SAXO1: variants seen among roughly 807,000 people sequenced by gnomAD.
SAXO1 encodes the protein 4930500O09Rik.
A neutral mutation model predicts 17.5 loss-of-function variants in SAXO1; 21 were observed. That is an observed-to-expected ratio of 1.20 (90% CI 0.85 to 1.72). The LOEUF is 1.72. Among genes scored for constraint, SAXO1 ranks in the 40% most tolerant of loss-of-function variants. The probability of loss-of-function intolerance (pLI) is 0.00; values close to 1 mark genes in which losing one functional copy is unlikely to be tolerated. For missense variants in SAXO1, 843 were observed against 596.0 expected (o/e 1.41, Z -4.32); for synonymous variants, 274 against 216.5 (o/e 1.27, Z -2.33).
intron 1 of SAXO1, among the ~76,000 whole-genome samples, chr9:18,997,395 G>A (rs549889493): frequency 6.6e-6 from 1 of 152,238 alleles, no homozygotes; most frequent in Admixed American, 6.5e-5. Flanking sequence ...AAGAGGAGGG[G>A]CATCTGCCAT....
At chr9:19,011,182 TA>T (rs1388815249) in intron 1 of SAXO1, among the ~76,000 whole-genome samples, 1 of 152,262 alleles carries the variant, frequency 6.6e-6, no homozygotes, top group African/African-American at 2.4e-5. Context: ...TTCAGAGCAC[TA>T]AAAAGGCTTT....
At chr9:19,027,933 A>T in intron 1 of SAXO1, 2 of 1,415,836 alleles carry the variant, frequency 1.4e-6, no homozygotes, top group Non-Finnish European at 2.0e-6. Context: ...CCAAAAGATG[A>T]ACGTCAGTCC....
intron 1 of SAXO1, among the ~76,000 whole-genome samples, chr9:19,030,721 G>T (rs527250530): frequency 1.7e-3 from 249 of 150,632 alleles, no homozygotes; most frequent in African/African-American, 5.4e-3. Context: ...AAAAAAATAA[G>T]AAGAAGAAAA....
intron 1 of SAXO1, among the ~76,000 whole-genome samples, chr9:19,021,295 A>T (rs762521224): frequency 6.6e-6 from 1 of 152,244 alleles, no homozygotes; most frequent in Non-Finnish European, 1.5e-5. Flanking sequence ...GTGCAGAGGA[A>T]GTCAGAGTAC....
rs998264826 is a variant in SAXO1, at chr9:18,977,856, A to C, written c.39-26919T>G. Among the ~76,000 whole-genome samples, 4 of 152,032 alleles carry C rather than the reference A, an allele frequency of 2.6e-5. No homozygotes were observed. In the East Asian group the frequency reaches 7.8e-4, roughly 29 times the overall value. On this transcript the variant is annotated intron_variant, in intron 1 of 3. Transcript: ENST00000380534. Reference sequence around the variant, plus strand: ...CAAAAAATACAAAAATTTACTTGGCATGATGGAGCGTGCCTGTAATGCCAG... The same window carrying C: ...CAAAAAATACAAAAATTTACTTGGCCTGATGGAGCGTGCCTGTAATGCCAG...
In SAXO1 at chr9:18,928,973, A is replaced by T. The variant is rs746362507; in HGVS notation, c.504T>A (p.Asp168Glu). ...AATCGTCCTGGTGTGTGGTTCTGTTATCAAACCTGACTGATGCCGGCTGGT... is the reference window on the plus strand; with the variant it reads ...AATCGTCCTGGTGTGTGGTTCTGTTTTCAAACCTGACTGATGCCGGCTGGT... Reference protein sequence around the residue: ...HKYQPASVRFDNRTTHQDDYP... With the variant: ...HKYQPASVRFENRTTHQDDYP... Residue 168 changes from aspartate to glutamate, a missense_variant, in exon 4 of 4, where the codon GAT becomes GAA. Physicochemically the swap from Asp to Glu is conservative, Grantham distance 45. Transcript: ENST00000380534. 5.0e-6 allele frequency: 8 copies of T among 1,614,080 alleles called. No individual in the cohort carries two copies. In the East Asian group the frequency reaches 1.3e-4, roughly 27 times the overall value.
intron 1 of SAXO1, among the ~76,000 whole-genome samples, chr9:19,004,621 A>C (rs1834415663): frequency 6.6e-6 from 1 of 152,208 alleles, no homozygotes; most frequent in Non-Finnish European, 1.5e-5. Context: ...CAAGGACGGA[A>C]AACCAAACAC....
chr9:18,996,481 T>A (rs1383231516), intron 1 of SAXO1, among the ~76,000 whole-genome samples: 4 of 152,254 alleles, frequency 2.6e-5, no homozygotes, highest in Admixed American at 6.5e-5. Context: ...TAGGCAATTA[T>A]GTATCTAAGC....
At chr9:19,003,557 T>C (rs1432049390) in intron 1 of SAXO1, among the ~76,000 whole-genome samples, 1 of 151,926 alleles carries the variant, frequency 6.6e-6, no homozygotes, top group Non-Finnish European at 1.5e-5. Flanking sequence ...TATAGACAAA[T>C]GGAATAGAAC....
intron 2 of SAXO1, among the ~76,000 whole-genome samples, chr9:18,949,036 T>A (rs1831916549): frequency 6.6e-6 from 1 of 152,186 alleles, no homozygotes; most frequent in Non-Finnish European, 1.5e-5. Flanking sequence ...AAAGCAATGC[T>A]CAGAAATGGT....
At chr9:19,013,417 T>C (rs1834838415) in intron 1 of SAXO1, among the ~76,000 whole-genome samples, 1 of 152,162 alleles carries the variant, frequency 6.6e-6, no homozygotes, top group Non-Finnish European at 1.5e-5. Context: ...CCCTTACCTT[T>C]TTCCATGATG....
At chr9:19,008,452 C>T (rs1834579318) in intron 1 of SAXO1, among the ~76,000 whole-genome samples, 1 of 152,112 alleles carries the variant, frequency 6.6e-6, no homozygotes, top group Non-Finnish European at 1.5e-5. Flanking sequence ...CCTTTACTTT[C>T]ACAAATCAAA....
chr9:18,945,789 G>C (rs1831766948), intron 2 of SAXO1, among the ~76,000 whole-genome samples: 1 of 152,106 alleles, frequency 6.6e-6, no homozygotes, highest in Non-Finnish European at 1.5e-5. Flanking sequence ...TGACTTTAAA[G>C]CTCTAAAAAG....
intron 1 of SAXO1, among the ~76,000 whole-genome samples, chr9:19,029,167 G>A (rs1291641649): frequency 3.9e-5 from 6 of 152,190 alleles, no homozygotes; most frequent in African/African-American, 1.4e-4. Context: ...CATCTCCAGA[G>A]CCCACTCGCC....
rs778882191 is a variant in SAXO1, at chr9:18,941,720, G to A, written c.338C>T (p.Pro113Leu). The A allele has an allele frequency of 1.7e-5, 28 of 1,614,074 alleles. No homozygotes were observed. The highest frequency in any genetic ancestry group is 5.0e-5 in the Admixed American group (3 of 60,010). ...TTTGATGGGGTCCACTCGACAGACA[G>A]GGTAGGGATTGTAATCTTTCTTATA... Reference protein sequence around the residue: ...TTYKKDYNPYPVCRVDPIKPR... With the variant: ...TTYKKDYNPYLVCRVDPIKPR... Residue 113 changes from proline (P) to leucine (L), a missense_variant, in exon 3 of 4, where the codon CCT becomes CTT. By Grantham distance (98) the Pro-to-Leu change is moderately conservative (BLOSUM62 -3). Coordinates refer to ENST00000380534, the MANE Select transcript of SAXO1 (RefSeq NM_153707.4).
At chr9:18,940,060 G>A (rs909955865) in intron 3 of SAXO1, among the ~76,000 whole-genome samples, 1 of 152,230 alleles carries the variant, frequency 6.6e-6, no homozygotes, top group Non-Finnish European at 1.5e-5. Flanking sequence ...TCGGCTATCA[G>A]TAGGAGCTGG....
At chr9:18,972,653 A>G (rs10757012) in intron 1 of SAXO1, among the ~76,000 whole-genome samples, 112,234 of 152,096 alleles carry the variant, frequency 0.74, 41,629 homozygotes, top group Non-Finnish European at 0.79. Context: ...ACAGAAGGGC[A>G]TTCAAGAGGA....
At chr9:19,009,362 G>A (rs1434303321) in intron 1 of SAXO1, among the ~76,000 whole-genome samples, 2 of 152,130 alleles carry the variant, frequency 1.3e-5, no homozygotes, top group Non-Finnish European at 2.9e-5. Flanking sequence ...TTTTAAGCAT[G>A]GGGAGTCCTG....
chr9:19,037,917 G>A (rs1352813348), upstream of SAXO1, among the ~76,000 whole-genome samples: 12 of 152,190 alleles, frequency 7.9e-5, no homozygotes, highest in African/African-American at 2.7e-4. Context: ...ATGAGTACTA[G>A]ATCTGGGATT....
Sources: allele counts gnomAD v4.1 joint callset (sites outside exome capture counted in the v4.1 genomes callset), GRCh38; gene constraint gnomAD v4.1.1; transcripts MANE v1.5; gene names NCBI Gene and HGNC (gene_info 2026-07-23, HGNC 2026-07-21).